ZNF503: variants seen among roughly 807,000 people sequenced by gnomAD.
ZNF503 encodes NocA-like zinc finger 2.
Under a neutral mutation model 34.4 loss-of-function variants are expected in ZNF503, and 15 were observed. That is an observed-to-expected ratio of 0.44 (90% confidence interval 0.29 to 0.67). The LOEUF (loss-of-function observed/expected upper bound fraction) is 0.67, where lower values mean the gene tolerates loss of function less well. Among genes scored for constraint, ZNF503 ranks in the 30% least tolerant of loss-of-function variants. The pLI is 0.13. For missense variants in ZNF503, 1,007 were observed against 926.8 expected (o/e 1.09, Z -1.12); for synonymous variants, 580 against 456.8 (o/e 1.27, Z -3.44).
At chr10:75,340,070 C>T in the ZNF503 span, among the ~76,000 whole-genome samples, 1 of 150,234 alleles carries the variant, frequency 6.7e-6, no homozygotes, top group Non-Finnish European at 1.5e-5. Flanking sequence ...CAAAAATTAG[C>T]TGGTGTGGTG....
the ZNF503 span, among the ~76,000 whole-genome samples, chr10:75,357,260 G>A: frequency 6.6e-6 from 1 of 151,988 alleles, no homozygotes; most frequent in Admixed American, 6.6e-5. Flanking sequence ...GCTTACACCT[G>A]TAATTCCAAC....
At chr10:75,391,139 C>A in the ZNF503 span, among the ~76,000 whole-genome samples, 1 of 152,162 alleles carries the variant, frequency 6.6e-6, no homozygotes. Flanking sequence ...GGGGGACACA[C>A]TTCAGTCCAT....
the ZNF503 span, among the ~76,000 whole-genome samples, chr10:75,333,313 C>A: frequency 1.7e-5 from 1 of 59,456 alleles, no homozygotes; most frequent in Non-Finnish European, 3.2e-5. Flanking sequence ...CCGGACGGGG[C>A]GGCTGGCTGG....
chr10:75,319,904 T>G, the ZNF503 span, among the ~76,000 whole-genome samples: 1 of 152,334 alleles, frequency 6.6e-6, no homozygotes, highest in East Asian at 1.9e-4. Flanking sequence ...AGGAATTAAT[T>G]TGAAGTCTTA....
At chr10:75,319,323 T>C in the ZNF503 span, among the ~76,000 whole-genome samples, 1 of 152,142 alleles carries the variant, frequency 6.6e-6, no homozygotes, top group Non-Finnish European at 1.5e-5. Context: ...CTGATGTATA[T>C]AAAGGAATTA....
chr10:75,331,649 G>C, the ZNF503 span, among the ~76,000 whole-genome samples: 8 of 152,064 alleles, frequency 5.3e-5, no homozygotes, highest in African/African-American at 1.9e-4. Flanking sequence ...GGTCTCATTT[G>C]CTTCTTGGCC....
At chr10:75,334,293 T>C in the ZNF503 span, among the ~76,000 whole-genome samples, 1 of 152,246 alleles carries the variant, frequency 6.6e-6, no homozygotes, top group Non-Finnish European at 1.5e-5. Context: ...CATATTTAAG[T>C]TCTCTGTTGA....
At position 75,400,105 on chromosome 10, in the gene ZNF503, ACCGCCTCCACCG is replaced by A. The variant is rs775565347; in HGVS notation, c.573_584del (p.Gly201_Gly204del). On this transcript the variant is annotated inframe_deletion, in exon 2 of 2. Transcript: ENST00000372524. ...CCCCGCCGCCGCCCCCGCCACCGCC[ACCGCCTCCACCG>A]CCGCCTCCCGGCTCCTTCTTATCCG... 90 of 926,168 alleles carry A rather than the reference ACCGCCTCCACCG, an allele frequency of 9.7e-5. No homozygotes were observed. Among genetic ancestry groups the A allele is most frequent in the Admixed American group, 4.6e-4 (17 of 37,218 alleles). 57.4% of individuals were successfully genotyped at this position (926,168 alleles called of 1,614,324 possible).
chr10:75,285,549 C>T, the ZNF503 span, among the ~76,000 whole-genome samples: 66 of 152,356 alleles, frequency 4.3e-4, no homozygotes, highest in African/African-American at 1.6e-3. Flanking sequence ...CAGTTAGCAC[C>T]TGCTAATCTG....
the ZNF503 span, among the ~76,000 whole-genome samples, chr10:75,353,127 A>T: frequency 2.0e-5 from 3 of 152,268 alleles, no homozygotes; most frequent in Non-Finnish European, 4.4e-5. Context: ...TTATAAGTTA[A>T]TGAAAGAGAA....
At chr10:75,365,469 A>T in the ZNF503 span, among the ~76,000 whole-genome samples, 7 of 152,240 alleles carry the variant, frequency 4.6e-5, no homozygotes, top group Non-Finnish European at 1.0e-4. Flanking sequence ...TCAAAGAAAG[A>T]AAAAAGAGAA....
At chr10:75,283,611 G>A in the ZNF503 span, among the ~76,000 whole-genome samples, 9 of 152,212 alleles carry the variant, frequency 5.9e-5, no homozygotes, top group Admixed American at 2.0e-4. Context: ...CGTGGGCATC[G>A]GGAACCCAAC....
the ZNF503 span, among the ~76,000 whole-genome samples, chr10:75,342,498 T>C: frequency 2.0e-5 from 3 of 151,482 alleles, no homozygotes; most frequent in East Asian, 3.9e-4. Context: ...AGACAAGGGG[T>C]GGGGATTGTT....
the ZNF503 span, among the ~76,000 whole-genome samples, chr10:75,363,009 C>T: frequency 6.6e-6 from 1 of 152,096 alleles, no homozygotes; most frequent in African/African-American, 2.4e-5. Flanking sequence ...TAAGTGTCAG[C>T]CCTCCTATTA....
In ZNF503 at chr10:75,401,432, C is replaced by T. The variant is rs1359865178; in HGVS notation, c.-13G>A. On this transcript the variant is annotated 5_prime_UTR_variant, in exon 1 of 2. Coordinates refer to ENST00000372524, the MANE Select transcript of ZNF503 (RefSeq NM_032772.6). Reference sequence around the variant, plus strand: ...GCGCTGTGCTCATGACCCACCCGCGCGCATGGGAGCAGCGGGGGGGAGGGC... The same window carrying T: ...GCGCTGTGCTCATGACCCACCCGCGTGCATGGGAGCAGCGGGGGGGAGGGC... The T allele has an allele frequency of 2.0e-6, 3 of 1,532,090 alleles. No individual in the cohort carries two copies. The highest frequency in any genetic ancestry group is 2.0e-5 in the Admixed American group (1 of 50,608). The allele number at this position is 1,532,090 out of a possible 1,614,324, so 94.9% of individuals were successfully genotyped here.
chr10:75,309,439 C>T, the ZNF503 span, among the ~76,000 whole-genome samples: 1 of 152,138 alleles, frequency 6.6e-6, no homozygotes, highest in African/African-American at 2.4e-5. Flanking sequence ...TTGCCACAGC[C>T]ACTGCATCCT....
At chr10:75,295,229 G>A in the ZNF503 span, among the ~76,000 whole-genome samples, 1 of 151,830 alleles carries the variant, frequency 6.6e-6, no homozygotes, top group Non-Finnish European at 1.5e-5. This position sits in a 1 kb window ranked among gnomAD's most constrained non-coding sequence, Gnocchi z 4.0. Flanking sequence ...CCCCGGGAGG[G>A]GTGGCAGGAG....
chr10:75,285,444 C>T, the ZNF503 span, among the ~76,000 whole-genome samples: 1 of 152,206 alleles, frequency 6.6e-6, no homozygotes, highest in Non-Finnish European at 1.5e-5. Flanking sequence ...TTCTCTTCTG[C>T]TCTCAGCATC....
rs1214970160 is a variant in ZNF503, at chr10:75,400,102, G to A, written c.588C>T (p.Gly196=). The A allele has an allele frequency of 8.6e-6, 7 of 810,792 alleles. No homozygotes were observed. Among genetic ancestry groups the A allele is most frequent in the African/African-American group, 6.0e-5 (3 of 49,846 alleles). The allele number at this position is 810,792 out of a possible 1,614,324, so 50.2% of individuals were successfully genotyped here. The change falls in exon 2 of 2, where the codon GGC becomes GGT. Residue 196 remains glycine (G), a synonymous_variant. Transcript: ENST00000372524. The part of the protein sequence containing the change: ...KEPGGGGGGG[G]GGGGGGGGVS... ...CACCCCCGCCGCCGCCCCCGCCACC[G>A]CCACCGCCTCCACCGCCGCCTCCCG...
Sources: gnomAD v4.1 joint callset for allele counts (sites outside exome capture counted in the v4.1 genomes callset) on GRCh38, gnomAD v4.1.1 for gene constraint, Gnocchi (gnomAD v3.1) non-coding constraint, MANE v1.5 for transcripts, NCBI Gene and HGNC (gene_info 2026-07-23, HGNC 2026-07-21) for gene names.